Variants in CYP7B1 observed in about 807,000 individuals in gnomAD.
The protein encoded by CYP7B1 is cytochrome P450 family 7 subfamily B member 1, also known as cytochrome P450 7B1.
CYP7B1 carries 29 observed loss-of-function variants against 42.7 expected under a neutral mutation model. The ratio of observed to expected loss-of-function variants is 0.68; its 90% CI spans 0.51 to 0.93. The LOEUF (loss-of-function observed/expected upper bound fraction) is 0.93. CYP7B1 is among the 40% of genes least tolerant of loss of function. The pLI is 0.00. For synonymous variants in CYP7B1, 235 were observed against 218.2 expected (o/e 1.08, Z -0.68); for missense variants, 655 against 600.5 (o/e 1.09, Z -0.95).
At chr8:64,647,251 C>G (rs1340642993) in intron 1 of CYP7B1, among the ~76,000 whole-genome samples, 1 of 152,032 alleles carries the variant, frequency 6.6e-6, no homozygotes, top group African/African-American at 2.4e-5. Context: ...AGCCCCACAA[C>G]AATTACAACA....
At chr8:64,638,436 T>G (rs929478150) in intron 1 of CYP7B1, among the ~76,000 whole-genome samples, 1 of 152,188 alleles carries the variant, frequency 6.6e-6, no homozygotes, top group Non-Finnish European at 1.5e-5. Context: ...AAATATACAG[T>G]AGTATATTTC....
intron 2 of CYP7B1, among the ~76,000 whole-genome samples, chr8:64,616,862 T>C (rs1343192123): frequency 6.6e-6 from 1 of 152,206 alleles, no homozygotes; most frequent in Non-Finnish European, 1.5e-5. Flanking sequence ...GGAGATTTAA[T>C]AACATGTTCA....
At chr8:64,713,440 G>A (rs906387143) in intron 1 of CYP7B1, among the ~76,000 whole-genome samples, 15 of 151,938 alleles carry the variant, frequency 9.9e-5, no homozygotes, top group Non-Finnish European at 1.2e-4. Context: ...TGCAGACAGG[G>A]AAGTTAAAAT....
At chr8:64,715,769 A>G (rs2129632759) in intron 1 of CYP7B1, among the ~76,000 whole-genome samples, 1 of 152,338 alleles carries the variant, frequency 6.6e-6, no homozygotes, top group East Asian at 1.9e-4. Flanking sequence ...GCATAGTAAC[A>G]TGAACATAAA....
At chr8:64,660,448 A>G (rs904407485) in intron 1 of CYP7B1, among the ~76,000 whole-genome samples, 2 of 152,234 alleles carry the variant, frequency 1.3e-5, no homozygotes, top group African/African-American at 4.8e-5. Flanking sequence ...GAAATTATAC[A>G]CAAGAGTTGG....
At chr8:64,795,037 G>C (rs1313345487) in intron 1 of CYP7B1, among the ~76,000 whole-genome samples, 1 of 151,350 alleles carries the variant, frequency 6.6e-6, no homozygotes, top group African/African-American at 2.4e-5. Context: ...CAATTACTTC[G>C]AAAAGTGTCA....
rs757503820 is a variant in CYP7B1, at chr8:64,771,047, C to CTTTTTTTTTTT, written c.122+27408_122+27418dup. ...AATCTCAAGAGTGGGATATCAGCAT[C>CTTTTTTTTTTT]TTTTTTTTTTTTTTTTTTTTTTTTT... is the stretch of plus-strand genomic sequence containing the variant. On this transcript the variant is annotated intron_variant, in intron 1 of 5. Coordinates refer to ENST00000310193, the MANE Select transcript of CYP7B1 (RefSeq NM_004820.5). Among the ~76,000 whole-genome samples the CTTTTTTTTTTT allele has an allele frequency of 9.9e-4, 42 of 42,498 alleles. 10 individuals are homozygous for CTTTTTTTTTTT. Among genetic ancestry groups the CTTTTTTTTTTT allele is most frequent in the African/African-American group, 2.5e-3 (30 of 12,016 alleles). 27.9% of individuals were successfully genotyped at this position (42,498 alleles called of 152,430 possible).
chr8:64,617,001 C>A (rs977181811), intron 2 of CYP7B1, among the ~76,000 whole-genome samples: 1 of 152,130 alleles, frequency 6.6e-6, no homozygotes, highest in Non-Finnish European at 1.5e-5. Flanking sequence ...GGATCCCTTT[C>A]TTTTTGAGAT....
intron 1 of CYP7B1, among the ~76,000 whole-genome samples, chr8:64,758,057 T>C (rs1424275643): frequency 6.6e-6 from 1 of 152,196 alleles, no homozygotes; most frequent in Non-Finnish European, 1.5e-5. Flanking sequence ...CCAATTAAAC[T>C]ACCTATGCAC....
intron 1 of CYP7B1, among the ~76,000 whole-genome samples, chr8:64,763,818 C>A (rs1807927063): frequency 6.6e-6 from 1 of 152,242 alleles, no homozygotes; most frequent in South Asian, 2.1e-4. Flanking sequence ...ACCCAACAGT[C>A]GCCCATGCGT....
chr8:64,637,386 C>G (rs1805788905), intron 1 of CYP7B1, among the ~76,000 whole-genome samples: 1 of 152,146 alleles, frequency 6.6e-6, no homozygotes, highest in Admixed American at 6.5e-5. Flanking sequence ...AATAATATCT[C>G]TACACAGCAC....
In CYP7B1 at chr8:64,676,986, G is replaced by GAACC. The variant is rs1563386905; in HGVS notation, c.123-52451_123-52448dup. 2.0e-5 allele frequency among the ~76,000 whole-genome samples: 3 copies of GAACC among 152,130 alleles called. No individual in the cohort carries two copies. In the East Asian group the frequency reaches 5.8e-4, roughly 29 times the overall value. On this transcript the variant is annotated intron_variant, in intron 1 of 5. Transcript: ENST00000310193. ...GACAAAACTGGTATTGTCAGCTGATGAACCGACATTTGGGGGCTTTTGTTC... is the reference window on the plus strand; with the variant it reads ...GACAAAACTGGTATTGTCAGCTGATGAACCAACCGACATTTGGGGGCTTTTGTTC...
intron 1 of CYP7B1, among the ~76,000 whole-genome samples, chr8:64,719,397 A>G (rs1337812860): frequency 6.6e-6 from 1 of 152,252 alleles, no homozygotes; most frequent in Non-Finnish European, 1.5e-5. Context: ...CTGTCAAGAT[A>G]TTAACAATGT....
rs1205964730 is a variant in CYP7B1 at position 64,798,516 on chromosome 8, G to A, written c.72C>T (p.Leu24=). The A allele has an allele frequency of 2.0e-6, 3 of 1,507,226 alleles. No individual in the cohort carries two copies. Among genetic ancestry groups the A allele is most frequent in the Admixed American group, 2.1e-5 (1 of 47,540 alleles). 93.4% of individuals were successfully genotyped at this position (1,507,226 alleles called of 1,614,324 possible). The change falls in exon 1 of 6, where the codon CTC becomes CTT. Residue 24 remains leucine, a synonymous_variant. Coordinates refer to ENST00000310193, the MANE Select transcript of CYP7B1 (RefSeq NM_004820.5). ...LERLGLPGLA[L]AAALLLLALC... The stretch of plus-strand genomic sequence containing the variant: ...GGGCCAGGAGCAGCAGGGCCGCGGC[G>A]AGGGCCAGGCCCGGGAGGCCCAACC...
intron 1 of CYP7B1, among the ~76,000 whole-genome samples, chr8:64,645,015 GT>G (rs1805927807): frequency 6.6e-6 from 1 of 150,858 alleles, no homozygotes; most frequent in Non-Finnish European, 1.5e-5. Flanking sequence ...GTGGTGTTTG[GT>G]TTTTTGTCCT....
At position 64,611,978 on chromosome 8, in the gene CYP7B1, ACCATTATACTAAGTTATTTAT is replaced by A. The variant is rs1805370228; in HGVS notation, c.1057+3027_1057+3047del. Among the ~76,000 whole-genome samples the A allele has an allele frequency of 2.6e-5, 4 of 152,282 alleles. No homozygotes were observed. The South Asian group carries it at 8.3e-4, about 32-fold the overall frequency. On this transcript the variant is annotated intron_variant, in intron 4 of 5. Transcript: ENST00000310193. ...AACATTTATTGAGCCTATACCGTGT[ACCATTATACTAAGTTATTTAT>A]CCATTATTCAAATAAACCATTAAGA...
intron 1 of CYP7B1, among the ~76,000 whole-genome samples, chr8:64,723,019 T>G (rs1370667473): frequency 6.6e-6 from 1 of 152,194 alleles, no homozygotes; most frequent in African/African-American, 2.4e-5. Context: ...TTTTTTCTGC[T>G]AAATACATTT....
At chr8:64,757,205 T>C (rs1807821800) in intron 1 of CYP7B1, among the ~76,000 whole-genome samples, 1 of 152,196 alleles carries the variant, frequency 6.6e-6, no homozygotes, top group South Asian at 2.1e-4. Flanking sequence ...AACTGCTCTG[T>C]AGCAGTAGTC....
In CYP7B1 at chr8:64,645,146, A is replaced by G. The variant is rs534783840; in HGVS notation, c.123-20607T>C. Among the ~76,000 whole-genome samples, 3 of 150,786 alleles carry G rather than the reference A, an allele frequency of 2.0e-5. No individual in the cohort carries two copies. In the South Asian group the frequency reaches 6.4e-4, roughly 32 times the overall value. ...TGGTGTATATGTGCCACATTTTCTT[A>G]ATCCAGTCTATCATTGTTGGACATT... On this transcript the variant is annotated intron_variant, in intron 1 of 5. Coordinates refer to ENST00000310193, the MANE Select transcript of CYP7B1 (RefSeq NM_004820.5).
Sources: allele counts gnomAD v4.1 joint callset (sites outside exome capture counted in the v4.1 genomes callset), GRCh38; gene constraint gnomAD v4.1.1; transcripts MANE v1.5; gene names NCBI Gene and HGNC (gene_info 2026-07-23, HGNC 2026-07-21).